Variants in ADARB2 observed in about 807,000 individuals in gnomAD.
ADARB2 encodes the protein inactive double-stranded RNA-specific editase B2.
Under a neutral mutation model 62.2 loss-of-function variants are expected in ADARB2, and 25 were observed. The observed-to-expected ratio is 0.40, with a 90% confidence interval of 0.29 to 0.56. The LOEUF is 0.56. Among genes scored for constraint, ADARB2 ranks in the 20% least tolerant of loss-of-function variants. The pLI, the probability that ADARB2 is intolerant of heterozygous loss-of-function variation, is 0.43. For synonymous variants in ADARB2, 572 were observed against 500.8 expected (o/e 1.14, Z -1.90); for missense variants, 1,071 against 1,077.4 (o/e 0.99, Z 0.08).
chr10:1,396,355 C>T (rs1483037410), intron 1 of ADARB2, among the ~76,000 whole-genome samples: 1 of 152,202 alleles, frequency 6.6e-6, no homozygotes, highest in Non-Finnish European at 1.5e-5. Flanking sequence ...TCGGCCGACG[C>T]AGCCTTCACG....
intron 2 of ADARB2, 113 bp downstream of exon 2, chr10:1,378,961 C>T: frequency 1.1e-6 from 1 of 881,162 alleles, no homozygotes; most frequent in Non-Finnish European, 1.9e-6. Flanking sequence ...CAGGTAAGAC[C>T]AAACAGACCC....
intron 3 of ADARB2, among the ~76,000 whole-genome samples, chr10:1,315,246 T>A (rs1047881158): frequency 6.6e-6 from 1 of 152,110 alleles, no homozygotes; most frequent in Non-Finnish European, 1.5e-5. Flanking sequence ...AGGCACCAGG[T>A]GCTGCAGGTG....
chr10:1,399,148 A>C (rs1053422476), intron 1 of ADARB2, among the ~76,000 whole-genome samples: 2 of 151,660 alleles, frequency 1.3e-5, no homozygotes, highest in African/African-American at 4.9e-5. Context: ...AAACACCCTG[A>C]CTCCCCCTGG....
intron 7 of ADARB2, among the ~76,000 whole-genome samples, chr10:1,205,965 T>A (rs10794731): frequency 0.28 from 39,266 of 141,354 alleles, 5,545 homozygotes; most frequent in African/African-American, 0.36. Flanking sequence ...GGGCAGCCCG[T>A]TGGGGTCAGG....
chr10:1,445,843 C>G (rs117151431), intron 1 of ADARB2, among the ~76,000 whole-genome samples: 1 of 152,074 alleles, frequency 6.6e-6, no homozygotes, highest in Non-Finnish European at 1.5e-5. Flanking sequence ...GTGAGACATA[C>G]GGTTGATGAT....
chr10:1,646,926 C>A (rs1326607215), intron 1 of ADARB2, among the ~76,000 whole-genome samples: 1 of 152,218 alleles, frequency 6.6e-6, no homozygotes, highest in East Asian at 1.9e-4. Context: ...AAGAGTTCCT[C>A]TGGATCCTAG....
intron 3 of ADARB2, among the ~76,000 whole-genome samples, chr10:1,305,534 C>A (rs1831618892): frequency 1.3e-5 from 2 of 152,140 alleles, no homozygotes; most frequent in South Asian, 2.1e-4. Context: ...AAGAGAGAAT[C>A]CTCCCTAACT....
chr10:1,678,124 G>T (rs947439882), intron 1 of ADARB2: 20 of 981,922 alleles, frequency 2.0e-5, no homozygotes, highest in Middle Eastern at 5.2e-4. Flanking sequence ...CCAAAGGAAT[G>T]GGTGAGTGCA....
chr10:1,298,809 G>T (rs773337662), intron 3 of ADARB2, among the ~76,000 whole-genome samples: 185 of 136,518 alleles, frequency 1.4e-3, no homozygotes, highest in Non-Finnish European at 2.3e-3. Context: ...GCACACTCTT[G>T]GCTCACTGCA....
intron 1 of ADARB2, among the ~76,000 whole-genome samples, chr10:1,557,656 C>A (rs967045669): frequency 6.6e-5 from 10 of 152,164 alleles, no homozygotes; most frequent in African/African-American, 2.4e-4. Context: ...GTAATCCCAG[C>A]ACTTTGGGAG....
At chr10:1,485,569 C>T (rs897096791) in intron 1 of ADARB2, among the ~76,000 whole-genome samples, 2 of 152,156 alleles carry the variant, frequency 1.3e-5, no homozygotes, top group Non-Finnish European at 2.9e-5. Flanking sequence ...GAAGAGTCCA[C>T]CAAGCGTCCC....
intron 1 of ADARB2, among the ~76,000 whole-genome samples, chr10:1,686,057 A>C (rs1834593351): frequency 6.6e-6 from 1 of 152,230 alleles, no homozygotes; most frequent in South Asian, 2.1e-4. Flanking sequence ...ATCAGGCCTG[A>C]GAGGATAAAC....
chr10:1,370,423 A>G (rs529056677), intron 2 of ADARB2, among the ~76,000 whole-genome samples: 12 of 152,372 alleles, frequency 7.9e-5, no homozygotes, highest in African/African-American at 2.9e-4. Flanking sequence ...ACTTCTACTT[A>G]AAATAGTACT....
At chr10:1,716,565 G>A (rs1198128889) in intron 1 of ADARB2, among the ~76,000 whole-genome samples, 1 of 152,162 alleles carries the variant, frequency 6.6e-6, no homozygotes, top group Non-Finnish European at 1.5e-5. Flanking sequence ...GTTGAGATAA[G>A]TTTAGAAAAC....
chr10:1,666,879 C>G (rs1168451684), intron 1 of ADARB2, among the ~76,000 whole-genome samples: 1 of 152,126 alleles, frequency 6.6e-6, no homozygotes, highest in Admixed American at 6.5e-5. Flanking sequence ...CAAAGTTGAC[C>G]AAGGGTTTTG....
At chr10:1,703,036 A>G (rs566258446) in intron 1 of ADARB2, among the ~76,000 whole-genome samples, 25 of 152,362 alleles carry the variant, frequency 1.6e-4, no homozygotes, top group Admixed American at 1.6e-3. Flanking sequence ...ACACAAACAC[A>G]ATGAATACAG....
intron 1 of ADARB2, among the ~76,000 whole-genome samples, chr10:1,447,667 G>A (rs1830988661): frequency 1.3e-5 from 2 of 152,138 alleles, no homozygotes; most frequent in African/African-American, 4.8e-5. Context: ...TGTACGGATT[G>A]TAATGGCACC....
intron 3 of ADARB2, among the ~76,000 whole-genome samples, chr10:1,339,117 G>A (rs959104513): frequency 1.3e-5 from 2 of 152,188 alleles, no homozygotes; most frequent in Admixed American, 1.3e-4. Context: ...CACACTAGCC[G>A]GGTTGCTCGG....
At chr10:1,412,996 G>C (rs61831768) in intron 1 of ADARB2, among the ~76,000 whole-genome samples, 1 of 152,188 alleles carries the variant, frequency 6.6e-6, no homozygotes, top group African/African-American at 2.4e-5. Flanking sequence ...GCTGGCGGGA[G>C]GGTGGATGGG....
Sources: allele counts gnomAD v4.1 joint callset (sites outside exome capture counted in the v4.1 genomes callset), GRCh38; gene constraint gnomAD v4.1.1; transcripts MANE v1.5; gene names NCBI Gene and HGNC (gene_info 2026-07-23, HGNC 2026-07-21).